Variants in EIF5B observed in about 807,000 individuals in gnomAD.
The protein encoded by EIF5B is eIF-5B.
In EIF5B, 47 loss-of-function variants were observed where a neutral mutation model predicts 147.5. That is an observed-to-expected ratio of 0.32 (90% confidence interval 0.25 to 0.41). The LOEUF (loss-of-function observed/expected upper bound fraction) is 0.41, where lower values mean the gene tolerates loss of function less well. Ranked by LOEUF, EIF5B falls within the 10% of genes least tolerant of loss-of-function variation. The pLI is 1.00. For missense variants in EIF5B, 1,064 were observed against 1,413.2 expected (o/e 0.75, Z 3.96); for synonymous variants, 455 against 456.2 (o/e 1.00, Z 0.03).
chr2:99,379,513 T>A, intron 12 of EIF5B, 85 bp downstream of exon 12: 1 of 1,025,068 alleles, frequency 9.8e-7, no homozygotes, highest in Non-Finnish European at 1.4e-6. Context: ...GGACAGAGAC[T>A]AGGATAACAG....
In EIF5B at chr2:99,363,723, A is replaced by T. The variant is rs748606443; in HGVS notation, c.998A>T (p.Lys333Ile). The stretch of plus-strand genomic sequence containing the variant: ...AAGGAAGAAAAAGAGAAAGAGAAGA[A>T]AAAAGGACCTAGCAAAGCCACTGTT... ...GEKEEKEKEK[K>I]KGPSKATVKA... The change falls in exon 5 of 24, where the codon AAA becomes ATA. Residue 333 changes from lysine to isoleucine, a missense_variant. Lys to Ile is a moderately radical substitution (Grantham distance 102). This residue lies in a region of EIF5B where 458 missense variants were observed against 451.3 expected (regional missense o/e 1.01). Coordinates refer to ENST00000289371, the MANE Select transcript of EIF5B (RefSeq NM_015904.4). The T allele has an allele frequency of 1.2e-6, 2 of 1,607,466 alleles. No individual in the cohort carries two copies. Among genetic ancestry groups the T allele is most frequent in the Non-Finnish European group, 1.7e-6 (2 of 1,178,646 alleles).
At chr2:99,392,046 A>G (rs562972749) in intron 17 of EIF5B, among the ~76,000 whole-genome samples, 7 of 149,964 alleles carry the variant, frequency 4.7e-5, no homozygotes, top group Non-Finnish European at 1.0e-4. Context: ...CCTTTAGTGA[A>G]AAAAAAAAAG....
At chr2:99,389,318 C>T (rs1674875007) in intron 14 of EIF5B, among the ~76,000 whole-genome samples, 1 of 152,062 alleles carries the variant, frequency 6.6e-6, no homozygotes, top group African/African-American at 2.4e-5. Context: ...ATAGGCTGTT[C>T]CCTTAGAAAA....
Position 99,398,688 on chromosome 2 carries a change from T to G in EIF5B, c.3394-60T>G, listed in dbSNP as rs1053232541. The G allele has an allele frequency of 9.8e-6, 15 of 1,530,008 alleles. No individual in the cohort carries two copies. In the African/African-American group the frequency reaches 2.1e-4, roughly 21 times the overall value. The allele number at this position is 1,530,008 out of a possible 1,614,324, so 94.8% of individuals were successfully genotyped here. On this transcript the variant is annotated intron_variant, in intron 22 of 23. Coordinates refer to ENST00000289371, the MANE Select transcript of EIF5B (RefSeq NM_015904.4). ...AGTTCTTACTTCAGCTATCCAGCCATGGCGCCTGTGATTGGCATGAATTCT... is the reference window on the plus strand; with the variant it reads ...AGTTCTTACTTCAGCTATCCAGCCAGGGCGCCTGTGATTGGCATGAATTCT...
At position 99,400,281 on chromosome 2, in the gene EIF5B, A is replaced by G. The variant is rs1239511394; in HGVS notation, c.*867A>G. 10 of 150,652 alleles carry G rather than the reference A, an allele frequency of 6.6e-5. No individual in the cohort carries two copies. The allele number at this position is 150,652 out of a possible 1,614,324, so 9.3% of individuals were successfully genotyped here. On this transcript the variant is annotated 3_prime_UTR_variant, in exon 24 of 24. Coordinates refer to ENST00000289371, the MANE Select transcript of EIF5B (RefSeq NM_015904.4). Reference sequence around the variant, plus strand: ...TATACATTAATCTTGATCTGTTTTAATCTTGATCTGTTTTGTCCTAGAAAA... The same window carrying G: ...TATACATTAATCTTGATCTGTTTTAGTCTTGATCTGTTTTGTCCTAGAAAA...
At chr2:99,362,584 A>AGCTACTCG (rs1674241890) in intron 4 of EIF5B, among the ~76,000 whole-genome samples, 1 of 151,840 alleles carries the variant, frequency 6.6e-6, no homozygotes, top group East Asian at 2.0e-4. Flanking sequence ...CTGTAGTCCC[A>AGCTACTCG]GCTACTCGGG....
intron 10 of EIF5B, among the ~76,000 whole-genome samples, chr2:99,378,511 TCTC>T (rs532722795): frequency 2.1e-4 from 32 of 152,282 alleles, no homozygotes; most frequent in African/African-American, 7.5e-4. Flanking sequence ...AAATAAACAG[TCTC>T]CTCCTTGAAA....
intron 21 of EIF5B, among the ~76,000 whole-genome samples, chr2:99,396,284 T>G (rs1559262037): frequency 6.6e-6 from 1 of 152,178 alleles, no homozygotes; most frequent in East Asian, 1.9e-4. Flanking sequence ...TGTAGTGGCC[T>G]TTTGGATCAA....
At chr2:99,376,166 C>G (rs1226422790) in intron 9 of EIF5B, among the ~76,000 whole-genome samples, 181 bp from the exon 10 acceptor site, 1 of 152,046 alleles carries the variant, frequency 6.6e-6, no homozygotes, top group Non-Finnish European at 1.5e-5. Flanking sequence ...TATTTTTAAG[C>G]TGATCAGCTA....
intron 4 of EIF5B, among the ~76,000 whole-genome samples, chr2:99,363,034 C>G (rs1674252967): frequency 6.6e-6 from 1 of 152,110 alleles, no homozygotes; most frequent in Admixed American, 6.5e-5. Context: ...GTTGGGATTA[C>G]AGGTGTGAGC....
rs1674897784 is a variant in EIF5B, at chr2:99,390,330, G to C, written c.2515G>C (p.Val839Leu). Reference protein sequence around the residue: ...DGMGSLIYLLVELTQTMLSKR... With the variant: ...DGMGSLIYLLLELTQTMLSKR... The stretch of plus-strand genomic sequence containing the variant: ...CATGGGAAGTCTGATCTACCTTCTT[G>C]TAGAGTTAACTCAGACCATGTTGAG... The change falls in exon 16 of 24, where the codon GTA becomes CTA. Residue 839 changes from valine (V) to leucine (L), a missense_variant. Val to Leu is a conservative substitution (Grantham distance 32). Coordinates refer to ENST00000289371, the MANE Select transcript of EIF5B (RefSeq NM_015904.4). The C allele has an allele frequency of 6.2e-7, 1 of 1,613,944 alleles. No homozygotes were observed. Among genetic ancestry groups the C allele is most frequent in the East Asian group, 2.2e-5 (1 of 44,870 alleles).
chr2:99,364,548 C>G, intron 6 of EIF5B, 127 bp downstream of exon 6: 6 of 860,840 alleles, frequency 7.0e-6, no homozygotes, highest in Non-Finnish European at 6.8e-6. Flanking sequence ...TGAAAAAGTT[C>G]AGTAAAACGT....
At chr2:99,395,177 T>C (rs1349652492) in intron 21 of EIF5B, among the ~76,000 whole-genome samples, 1 of 152,218 alleles carries the variant, frequency 6.6e-6, no homozygotes, top group African/African-American at 2.4e-5. Context: ...TGGGATTATA[T>C]AGATTGGAAG....
intron 22 of EIF5B, chr2:99,398,364 C>A: frequency 6.2e-6 from 1 of 160,476 alleles, no homozygotes; most frequent in South Asian, 1.8e-4. Context: ...AGGATTGGTC[C>A]TCACTCTGAC....
In EIF5B at chr2:99,396,844, G is replaced by A. The variant is rs529171067; in HGVS notation, c.3339G>A (p.Thr1113=). ...NSRDPIVMGV[T]VEAGQVKQGT... ...GAGATCCGATAGTGATGGGGGTGAC[G>A]GTGGAAGCAGGTCAGGTGAAACAGG... Residue 1113 remains threonine (T), a synonymous_variant, in exon 22 of 24, where the codon ACG becomes ACA. Coordinates refer to ENST00000289371, the MANE Select transcript of EIF5B (RefSeq NM_015904.4). 13 of 1,613,018 alleles carry A rather than the reference G, an allele frequency of 8.1e-6. No homozygotes were observed. In the African/African-American group the frequency reaches 9.3e-5, roughly 12 times the overall value.
At chr2:99,354,330 A>G (rs1674046637) in intron 1 of EIF5B, among the ~76,000 whole-genome samples, 1 of 152,206 alleles carries the variant, frequency 6.6e-6, no homozygotes, top group African/African-American at 2.4e-5. Context: ...CCATGTGTAT[A>G]TCTTCAGTGG....
At position 99,392,995 on chromosome 2, in the gene EIF5B, A is replaced by C. The variant is rs1442628613; in HGVS notation, c.2777A>C (p.Glu926Ala). ...CAGTATGAAAAGCATAAAGAAGTAG[A>C]AGCAGCTCAGGGGGTAAAGATTCTT... Reference protein sequence around the residue: ...KNQYEKHKEVEAAQGVKILGK... With the variant: ...KNQYEKHKEVAAAQGVKILGK... The change falls in exon 18 of 24, where the codon GAA becomes GCA. Residue 926 changes from glutamate (E) to alanine (A), a missense_variant. Glu to Ala is a moderately radical substitution (Grantham distance 107). This residue lies in a region of EIF5B where 380 missense variants were observed against 715.6 expected (regional missense o/e 0.53). Coordinates refer to ENST00000289371, the MANE Select transcript of EIF5B (RefSeq NM_015904.4). The C allele has an allele frequency of 6.4e-7, 1 of 1,565,422 alleles. No homozygotes were observed. The highest frequency in any genetic ancestry group is 1.9e-5 in the Admixed American group (1 of 52,536).
intron 4 of EIF5B, among the ~76,000 whole-genome samples, chr2:99,363,297 T>C (rs1674258610): frequency 6.6e-6 from 1 of 152,218 alleles, no homozygotes; most frequent in Admixed American, 6.5e-5. Context: ...TAGAACTTCA[T>C]ATAAGCATCT....
chr2:99,347,166 C>G (rs917107092), intron 1 of EIF5B, among the ~76,000 whole-genome samples: 2 of 151,936 alleles, frequency 1.3e-5, no homozygotes, highest in Non-Finnish European at 2.9e-5. Context: ...CCACCACACC[C>G]AGCTAATTTT....
Sources: gnomAD v4.1 joint callset for allele counts (sites outside exome capture counted in the v4.1 genomes callset) on GRCh38, gnomAD v4.1.1 for gene constraint, gnomAD v4.1.1 regional missense constraint, MANE v1.5 for transcripts, NCBI Gene and HGNC (gene_info 2026-07-23, HGNC 2026-07-21) for gene names.